Variants in ZFTRAF1 observed in about 807,000 individuals in gnomAD.
ZFTRAF1 encodes zinc finger TRAF-type and ring finger containing 1, also known as zinc finger TRAF-type-containing protein 1.
the ZFTRAF1 span, among the ~76,000 whole-genome samples, chr8:144,461,977 G>T: frequency 6.6e-6 from 1 of 152,166 alleles, no homozygotes; most frequent in Non-Finnish European, 1.5e-5. Context: ...GGACCGTGGG[G>T]AAGTCTAGAA....
the ZFTRAF1 span, chr8:144,454,813 C>T: frequency 1.3e-5 from 2 of 152,330 alleles, no homozygotes; most frequent in African/African-American, 4.8e-5. Flanking sequence ...TGCCATCCTA[C>T]TGCTTCAGCT....
chr8:144,455,798 AG>A, the ZFTRAF1 span: 1 of 152,132 alleles, frequency 6.6e-6, no homozygotes, highest in Non-Finnish European at 1.5e-5. Flanking sequence ...TGCATAGCCC[AG>A]GAAGATTCGA....
the ZFTRAF1 span, chr8:144,462,263 G>A: frequency 1.8e-6 from 1 of 556,334 alleles, no homozygotes; most frequent in Admixed American, 3.4e-5. Flanking sequence ...GGCCGGGTCG[G>A]GGTCGGCCGG....
At chr8:144,450,407 C>T in the ZFTRAF1 span, 1 of 717,336 alleles carries the variant, frequency 1.4e-6, no homozygotes, top group East Asian at 2.7e-5. Flanking sequence ...CAGGAAGAGC[C>T]GCAGGTTGAT....
the ZFTRAF1 span, among the ~76,000 whole-genome samples, chr8:144,461,596 C>G: frequency 1.3e-5 from 2 of 152,118 alleles, no homozygotes; most frequent in Non-Finnish European, 2.9e-5. Context: ...TGGGCAGGAG[C>G]CTAGCGTGGG....
chr8:144,450,005 CCCGCCGG>C, the ZFTRAF1 span: 1 of 254,804 alleles, frequency 3.9e-6, no homozygotes, highest in Non-Finnish European at 7.6e-6. Context: ...GCCCCCGCGC[CCCGCCGG>C]AACCCGCAGG....
the ZFTRAF1 span, among the ~76,000 whole-genome samples, chr8:144,450,959 A>G: frequency 1.3e-5 from 2 of 152,156 alleles, no homozygotes; most frequent in African/African-American, 4.8e-5. Flanking sequence ...ACAAGCTTTG[A>G]GGGGAACAAC....
the ZFTRAF1 span, among the ~76,000 whole-genome samples, chr8:144,461,138 CAAG>C: frequency 3.9e-5 from 6 of 152,148 alleles, no homozygotes; most frequent in African/African-American, 1.4e-4. Context: ...CATGCCACAG[CAAG>C]AAGGACTTGG....
the ZFTRAF1 span, among the ~76,000 whole-genome samples, chr8:144,458,304 C>T: frequency 1.3e-5 from 2 of 152,254 alleles, no homozygotes; most frequent in South Asian, 4.1e-4. Flanking sequence ...CTAAAAGTAA[C>T]TCAAATGATA....
At chr8:144,454,989 T>A in the ZFTRAF1 span, 1 of 152,294 alleles carries the variant, frequency 6.6e-6, no homozygotes, top group Non-Finnish European at 1.5e-5. Context: ...CACCACCCGT[T>A]ACCTGCATTC....
the ZFTRAF1 span, among the ~76,000 whole-genome samples, chr8:144,462,124 G>A: frequency 6.6e-6 from 1 of 152,184 alleles, no homozygotes; most frequent in Non-Finnish European, 1.5e-5. Flanking sequence ...AGCAGCCGCT[G>A]GAGCCCCGCT....
the ZFTRAF1 span, chr8:144,456,222 T>C: frequency 1.3e-5 from 2 of 152,542 alleles, no homozygotes; most frequent in African/African-American, 2.4e-5. Context: ...TCTAGGTGCA[T>C]GGCCCGGTCC....
chr8:144,450,224 C>T, the ZFTRAF1 span: 1,596 of 599,070 alleles, frequency 2.7e-3, 21 homozygotes, highest in African/African-American at 0.026. Flanking sequence ...GGCCCCGTCG[C>T]GCACGCATGC....
chr8:144,454,974 A>G, the ZFTRAF1 span: 3 of 152,290 alleles, frequency 2.0e-5, no homozygotes, highest in Non-Finnish European at 1.5e-5. Context: ...CCACATCCAC[A>G]TGAACACCAC....
the ZFTRAF1 span, among the ~76,000 whole-genome samples, chr8:144,460,929 G>A: frequency 6.6e-6 from 1 of 152,202 alleles, no homozygotes; most frequent in African/African-American, 2.4e-5. Flanking sequence ...AAGGTTGTGA[G>A]CCAGGAAAAA....
chr8:144,452,620 T>C, the ZFTRAF1 span: 2 of 1,496,346 alleles, frequency 1.3e-6, no homozygotes, highest in African/African-American at 2.8e-5. Context: ...AACAGGAGGC[T>C]GCAACAAGCT....
At chr8:144,460,204 G>T in the ZFTRAF1 span, among the ~76,000 whole-genome samples, 10 of 152,222 alleles carry the variant, frequency 6.6e-5, no homozygotes, top group Admixed American at 1.3e-4. Flanking sequence ...TGTTCCCAGG[G>T]AAGTCACTGA....
At chr8:144,452,605 C>T in the ZFTRAF1 span, 3 of 1,520,526 alleles carry the variant, frequency 2.0e-6, no homozygotes, top group Middle Eastern at 1.7e-4. Context: ...ACAGACTGAG[C>T]CCCGAACAGG....
the ZFTRAF1 span, chr8:144,451,887 C>T: frequency 5.4e-4 from 127 of 235,386 alleles, 3 homozygotes; most frequent in South Asian, 7.0e-3. Flanking sequence ...TGAATGGCTT[C>T]GTGCCAGCCT....
Sources: gnomAD v4.1 joint callset for allele counts (sites outside exome capture counted in the v4.1 genomes callset) on GRCh38, gnomAD v4.1.1 for gene constraint, MANE v1.5 for transcripts, NCBI Gene and HGNC (gene_info 2026-07-23, HGNC 2026-07-21) for gene names.